Variants in NLGN4X observed in about 807,000 individuals in gnomAD.
NLGN4X encodes neuroligin-4, X-linked.
NLGN4X carries 3 observed loss-of-function variants against 40.3 expected under a neutral mutation model. The observed-to-expected ratio is 0.07, with a 90% confidence interval of 0.03 to 0.19. The LOEUF (loss-of-function observed/expected upper bound fraction) is 0.19. NLGN4X is among the 10% of genes least tolerant of loss of function. The probability of loss-of-function intolerance (pLI) is 1.00; values close to 1 mark genes in which losing one functional copy is unlikely to be tolerated. For missense variants in NLGN4X, 382 were observed against 708.3 expected (o/e 0.54, Z 5.23); for synonymous variants, 270 against 306.8 (o/e 0.88, Z 1.25).
chrX:6,125,605 G>GA (rs770109741), intron 2 of NLGN4X, among the ~76,000 whole-genome samples: 6 of 109,809 alleles, frequency 5.5e-5, no homozygotes, highest in African/African-American at 1.7e-4. Flanking sequence ...AATATTTGAG[G>GA]AAAAAAACAA....
intron 3 of NLGN4X, chrX:5,991,599 T>C (rs1334958831): frequency 2.1e-6 from 1 of 466,039 alleles, no homozygotes; most frequent in East Asian, 4.0e-5. Flanking sequence ...ATAAGGCCCC[T>C]TTCTCAGCAT....
chrX:6,006,424 C>T (rs187725369), intron 3 of NLGN4X, among the ~76,000 whole-genome samples: 1 of 110,198 alleles, frequency 9.1e-6, no homozygotes, highest in Non-Finnish European at 1.9e-5. Flanking sequence ...AAATATCATC[C>T]ACTAATAGTC....
At chrX:6,223,701 G>A (rs964331028) in intron 1 of NLGN4X, among the ~76,000 whole-genome samples, 1 of 112,622 alleles carries the variant, frequency 8.9e-6, no homozygotes, top group Non-Finnish European at 1.9e-5. Context: ...GAGCACAGCA[G>A]ATGACCTAAT....
intron 5 of NLGN4X, among the ~76,000 whole-genome samples, chrX:5,902,490 C>T (rs1434831300): frequency 9.2e-6 from 1 of 109,084 alleles, no homozygotes; most frequent in East Asian, 2.9e-4. Context: ...ATACTCCAGC[C>T]TAGGCAACAG....
chrX:5,973,731 G>A (rs2035092763), intron 3 of NLGN4X, among the ~76,000 whole-genome samples: 1 of 111,152 alleles, frequency 9.0e-6, no homozygotes, highest in South Asian at 3.9e-4. Flanking sequence ...GCTGAGGCAG[G>A]GGAATGGCGT....
intron 2 of NLGN4X, among the ~76,000 whole-genome samples, chrX:6,034,147 G>C (rs1339559398): frequency 2.7e-5 from 3 of 112,302 alleles, no homozygotes; most frequent in Non-Finnish European, 5.6e-5. Flanking sequence ...CCAGACCTGG[G>C]TGGTGCGTGG....
At chrX:5,916,741 G>A (rs969988654) in intron 3 of NLGN4X, among the ~76,000 whole-genome samples, 11 of 112,124 alleles carry the variant, frequency 9.8e-5, no homozygotes, top group Non-Finnish European at 1.3e-4. Context: ...GAACCACTGC[G>A]TCCAGCCCAT....
chrX:5,916,720 G>A (rs2032811546), intron 3 of NLGN4X, among the ~76,000 whole-genome samples: 1 of 111,981 alleles, frequency 8.9e-6, no homozygotes, highest in South Asian at 3.8e-4. Context: ...AAAGTCCTGG[G>A]ATTAAGGCAT....
intron 3 of NLGN4X, among the ~76,000 whole-genome samples, chrX:5,925,921 T>C (rs9699010): frequency 0.21 from 12,615 of 60,842 alleles, 1,397 homozygotes; most frequent in African/African-American, 0.27. Flanking sequence ...TATATATATA[T>C]ATATATATAT....
chrX:6,114,538 A>ACACACACACACACACACACACAAACATG (rs2039229266), intron 2 of NLGN4X, among the ~76,000 whole-genome samples: 2 of 109,763 alleles, frequency 1.8e-5, no homozygotes, highest in Non-Finnish European at 3.8e-5. Flanking sequence ...ACACACACAC[A>ACACACACACACACACACACACAAACATG]CACACACACA....
At chrX:6,132,666 C>T (rs1245791153) in intron 2 of NLGN4X, among the ~76,000 whole-genome samples, 7 of 111,797 alleles carry the variant, frequency 6.3e-5, no homozygotes, top group Admixed American at 2.9e-4. Flanking sequence ...TCTCCACAAC[C>T]GCTAAACCCA....
chrX:5,995,978 T>C (rs2035806281), intron 3 of NLGN4X, among the ~76,000 whole-genome samples: 1 of 112,039 alleles, frequency 8.9e-6, no homozygotes, highest in Non-Finnish European at 1.9e-5. Context: ...CCTAGAGCCC[T>C]TTGTCTTACA....
intron 3 of NLGN4X, among the ~76,000 whole-genome samples, chrX:5,990,917 C>T (rs188501867): frequency 3.6e-5 from 4 of 112,217 alleles, no homozygotes; most frequent in Non-Finnish European, 7.5e-5. Context: ...ATTTCAGCCT[C>T]CATTAGTCCC....
intron 2 of NLGN4X, among the ~76,000 whole-genome samples, chrX:6,054,139 T>G (rs2037560572): frequency 8.9e-6 from 1 of 112,302 alleles, no homozygotes; most frequent in South Asian, 3.7e-4. Flanking sequence ...GTGCAACTTT[T>G]TTTTTATTTA....
At position 6,208,002 on chromosome X, in the gene NLGN4X, T is replaced by TAC. The variant is rs752707927; in HGVS notation, c.-306+20538_-306+20539insGT. ...TCACTCACAGAATATCAAAAGTTCT[T>TAC]ATTTTGTTGGATAATCTAATTTTAA... On this transcript the variant is annotated intron_variant, in intron 1 of 5. Transcript: ENST00000381095. Among the ~76,000 whole-genome samples the TAC allele has an allele frequency of 4.6e-3, 514 of 112,056 alleles. 2 individuals are homozygous for TAC. The highest frequency in any genetic ancestry group is 0.016 in the African/African-American group (485 of 30,904).
At position 6,148,453 on chromosome X, in the gene NLGN4X, G is replaced by A. The variant is rs1027376709; in HGVS notation, c.472+2542C>T. Among the ~76,000 whole-genome samples, 26 of 111,794 alleles carry A rather than the reference G, an allele frequency of 2.3e-4. No individual in the cohort carries two copies. In the Admixed American group the frequency reaches 2.5e-3, roughly 11 times the overall value. On this transcript the variant is annotated intron_variant, in intron 2 of 5. Transcript: ENST00000381095. ...CAACATTTCAATATGTTGTGGATGC[G>A]GAGTTCATTCATTTAGTGAATAATT...
At chrX:6,089,899 A>C (rs2038595398) in intron 2 of NLGN4X, among the ~76,000 whole-genome samples, 1 of 111,838 alleles carries the variant, frequency 8.9e-6, no homozygotes, top group Admixed American at 9.6e-5. Flanking sequence ...CAACTATGTG[A>C]AATGAAAAAG....
chrX:5,990,193 C>A (rs1419902191), intron 3 of NLGN4X, among the ~76,000 whole-genome samples: 1 of 109,643 alleles, frequency 9.1e-6, no homozygotes. Flanking sequence ...CAAGAATTTT[C>A]TGAATACTAA....
At chrX:6,034,324 C>G (rs769848450) in intron 2 of NLGN4X, among the ~76,000 whole-genome samples, 1 of 112,330 alleles carries the variant, frequency 8.9e-6, no homozygotes, top group Non-Finnish European at 1.9e-5. Context: ...ATACTTCATT[C>G]CTTTTTATGG....
Sources: allele counts gnomAD v4.1 joint callset (sites outside exome capture counted in the v4.1 genomes callset), GRCh38; gene constraint gnomAD v4.1.1; transcripts MANE v1.5; gene names NCBI Gene and HGNC (gene_info 2026-07-23, HGNC 2026-07-21).